The following PHLDB2 variants were observed in gnomAD, a reference collection of about 807,000 sequenced individuals.
The protein encoded by PHLDB2 is pleckstrin homology like domain family B member 2.
A neutral mutation model predicts 123.6 loss-of-function variants in PHLDB2; 71 were observed. The ratio of observed to expected loss-of-function variants is 0.57; its 90% CI spans 0.47 to 0.70. The LOEUF is 0.70. Ranked by LOEUF, PHLDB2 falls within the 30% of genes least tolerant of loss-of-function variation. The pLI is 0.00. For missense variants in PHLDB2, 1,446 were observed against 1,519.5 expected (o/e 0.95, Z 0.80); for synonymous variants, 547 against 541.6 (o/e 1.01, Z -0.14).
At chr3:111,732,878 T>G (rs532937941) in intron 1 of PHLDB2, among the ~76,000 whole-genome samples, 93 of 152,346 alleles carry the variant, frequency 6.1e-4, no homozygotes, top group African/African-American at 2.1e-3. Context: ...AGGCTGTATT[T>G]TCCTTCTGTC....
intron 2 of PHLDB2, among the ~76,000 whole-genome samples, chr3:111,904,679 G>A (rs62277591): frequency 0.32 from 49,218 of 151,822 alleles, 8,420 homozygotes; most frequent in East Asian, 0.65. Context: ...TGAGGGGAGG[G>A]AGGGACTTGA....
intron 1 of PHLDB2, among the ~76,000 whole-genome samples, chr3:111,803,026 G>A (rs914779232): frequency 1.3e-5 from 2 of 152,178 alleles, no homozygotes; most frequent in Non-Finnish European, 2.9e-5. Flanking sequence ...GAGTATAGGG[G>A]ATGTTGTACA....
chr3:111,780,878 A>G (rs2060449588), intron 1 of PHLDB2, among the ~76,000 whole-genome samples: 1 of 152,096 alleles, frequency 6.6e-6, no homozygotes, highest in Non-Finnish European at 1.5e-5. Context: ...ACAAAGGACT[A>G]TCTGTGTGTC....
At chr3:111,952,171 C>T (rs9839401) in intron 10 of PHLDB2, among the ~76,000 whole-genome samples, 20,945 of 152,120 alleles carry the variant, frequency 0.14, 1,708 homozygotes, top group South Asian at 0.24. Flanking sequence ...TCCTTTTCCC[C>T]CTTTCTTGTC....
At chr3:111,889,933 T>A (rs2066383399) in intron 2 of PHLDB2, among the ~76,000 whole-genome samples, 1 of 151,992 alleles carries the variant, frequency 6.6e-6, no homozygotes, top group Non-Finnish European at 1.5e-5. Flanking sequence ...AGATGAAAGG[T>A]TTATGGCTTA....
chr3:111,753,655 T>C (rs2059826212), intron 1 of PHLDB2, among the ~76,000 whole-genome samples: 1 of 152,228 alleles, frequency 6.6e-6, no homozygotes, highest in South Asian at 2.1e-4. Context: ...TTAGTTTAAT[T>C]AGATCCCATT....
intron 2 of PHLDB2, among the ~76,000 whole-genome samples, chr3:111,901,483 A>G (rs1328760733): frequency 1.3e-5 from 2 of 151,876 alleles, no homozygotes; most frequent in Non-Finnish European, 2.9e-5. Context: ...AGACTTTCCT[A>G]GTTCTTTACC....
At chr3:111,966,045 G>A (rs2071728605) in intron 13 of PHLDB2, among the ~76,000 whole-genome samples, 1 of 152,178 alleles carries the variant, frequency 6.6e-6, no homozygotes, top group Non-Finnish European at 1.5e-5. Flanking sequence ...ACCTATAGGA[G>A]AAGTCATGTT....
At chr3:111,925,222 A>G (rs1333618638) in intron 5 of PHLDB2, among the ~76,000 whole-genome samples, 2 of 152,196 alleles carry the variant, frequency 1.3e-5, no homozygotes, top group South Asian at 2.1e-4. Flanking sequence ...TGATTTAGGA[A>G]TGCATTTTAT....
intron 1 of PHLDB2, among the ~76,000 whole-genome samples, chr3:111,836,835 C>A (rs4383483): frequency 6.6e-6 from 1 of 151,844 alleles, no homozygotes; most frequent in African/African-American, 2.4e-5. Context: ...AAGAGTGGAC[C>A]ACCCCGATGA....
chr3:111,953,526 C>T (rs1414991587), intron 11 of PHLDB2, among the ~76,000 whole-genome samples: 1 of 152,152 alleles, frequency 6.6e-6, no homozygotes, highest in African/African-American at 2.4e-5. Flanking sequence ...CACCGCATAA[C>T]AGGGGATAAA....
In PHLDB2 at chr3:111,859,361, C is replaced by T; in HGVS notation, c.-230C>T. On this transcript the variant is annotated 5_prime_UTR_variant, in exon 1 of 18. Transcript: ENST00000431670. ...CAGCCGTGAAAGCCCCAACAGCAAA[C>T]TGCCTGGGAGCGGGGCAGGTCACCA... is the stretch of plus-strand genomic sequence containing the variant. 1.0e-6 allele frequency: 1 copy of T among 985,716 alleles called. No homozygotes were observed. The highest frequency in any genetic ancestry group is 1.2e-6 in the Non-Finnish European group (1 of 830,124). 61.1% of individuals were successfully genotyped at this position (985,716 alleles called of 1,614,324 possible). A position where few individuals can be genotyped will look rare whatever the true frequency, so the allele number is the denominator to read the frequency against.
intron 1 of PHLDB2, among the ~76,000 whole-genome samples, chr3:111,874,279 G>T (rs938908690): frequency 6.6e-6 from 1 of 151,994 alleles, no homozygotes; most frequent in Non-Finnish European, 1.5e-5. Flanking sequence ...TCCTTTTCCT[G>T]TCAACCAAAT....
Position 111,967,797 on chromosome 3 carries a change from A to T in PHLDB2, c.3288A>T (p.Val1096=). 1 of 1,611,514 alleles carries T rather than the reference A, an allele frequency of 6.2e-7. No individual in the cohort carries two copies. Among genetic ancestry groups the T allele is most frequent in the South Asian group, 1.1e-5 (1 of 90,670 alleles). Residue 1096 remains valine, a synonymous_variant, in exon 15 of 18, where the codon GTA becomes GTT. Transcript: ENST00000431670. ...GGCAGAAGTTAATAGAAAAGGAAGT[A>T]AAAATAAGGGAGAGACAAAGGGCAC... The part of the protein sequence containing the change: ...SQRQKLIEKE[V]KIRERQRAQA...
At chr3:111,890,411 T>G (rs1039229369) in intron 2 of PHLDB2, among the ~76,000 whole-genome samples, 11 of 152,358 alleles carry the variant, frequency 7.2e-5, no homozygotes, top group African/African-American at 2.4e-4. Flanking sequence ...CCATGAGATA[T>G]ACTTCATGGG....
At chr3:111,768,416 G>C (rs2060118887) in intron 1 of PHLDB2, among the ~76,000 whole-genome samples, 1 of 152,136 alleles carries the variant, frequency 6.6e-6, no homozygotes. Context: ...TATTATGATG[G>C]GTGTGTAGAG....
At chr3:111,863,695 G>A (rs922949761) in intron 1 of PHLDB2, among the ~76,000 whole-genome samples, 6 of 152,262 alleles carry the variant, frequency 3.9e-5, no homozygotes, top group Admixed American at 1.3e-4. Context: ...TGCACCCACA[G>A]TCTCTACCAT....
At chr3:111,910,565 C>T (rs1371686896) in intron 2 of PHLDB2, among the ~76,000 whole-genome samples, 1 of 152,178 alleles carries the variant, frequency 6.6e-6, no homozygotes, top group Non-Finnish European at 1.5e-5. Flanking sequence ...CCCCAGTTTG[C>T]ATTTGAGGTT....
intron 6 of PHLDB2, among the ~76,000 whole-genome samples, chr3:111,936,750 G>A (rs2069515624): frequency 6.6e-6 from 1 of 152,094 alleles, no homozygotes; most frequent in Non-Finnish European, 1.5e-5. Context: ...TGAGTCATAT[G>A]GCCACTTTGA....
Sources: gnomAD v4.1 joint callset for allele counts (sites outside exome capture counted in the v4.1 genomes callset) on GRCh38, gnomAD v4.1.1 for gene constraint, MANE v1.5 for transcripts, NCBI Gene and HGNC (gene_info 2026-07-23, HGNC 2026-07-21) for gene names.